PAK6: variants seen among roughly 807,000 people sequenced by gnomAD.
PAK6 encodes the protein p21 (RAC1) activated kinase 6.
Under a neutral mutation model 60.8 loss-of-function variants are expected in PAK6, and 33 were observed. The ratio of observed to expected loss-of-function variants is 0.54; its 90% confidence interval spans 0.41 to 0.73. PAK6 has a LOEUF of 0.73. Ranked by LOEUF, PAK6 falls within the 30% of genes least tolerant of loss-of-function variation. The pLI, the probability that PAK6 is intolerant of heterozygous loss-of-function variation, is 0.00. For synonymous variants in PAK6, 404 were observed against 378.5 expected (o/e 1.07, Z -0.78); for missense variants, 845 against 904.1 (o/e 0.93, Z 0.84).
intron 10 of PAK6, among the ~76,000 whole-genome samples, chr15:40,275,287 T>C (rs1013434501): frequency 9.3e-6 from 1 of 107,312 alleles, no homozygotes; most frequent in African/African-American, 3.7e-5. Flanking sequence ...TTGGTTTTTT[T>C]TTTTTTTTTT....
chr15:40,272,543 C>A, exon 6 of PAK6: 3 of 1,613,672 alleles, frequency 1.9e-6, no homozygotes, highest in Non-Finnish European at 2.5e-6. Context: ...TTCAAGGCTG[C>A]GCTCAGGATG....
chr15:40,257,875 C>A lies in PAK6; in HGVS notation c.-6+4586C>A, dbSNP rs569166314. ...AGCCTCAGTGCCATGCTCTGGGAAT[C>A]CCCTTGTCTCTGTGGAACAGTAGCA... is the stretch of plus-strand genomic sequence containing the variant. On this transcript the variant is annotated intron_variant, in intron 3 of 10. Coordinates refer to ENST00000560346, the Ensembl canonical transcript of PAK6. Among the ~76,000 whole-genome samples the A allele has an allele frequency of 4.6e-5, 7 of 152,312 alleles. No individual in the cohort carries two copies. In the East Asian group the frequency reaches 1.4e-3, roughly 29 times the overall value.
intron 2 of PAK6, chr15:40,252,413 G>C: frequency 7.4e-7 from 1 of 1,352,042 alleles, no homozygotes; most frequent in African/African-American, 1.5e-5. Flanking sequence ...GGCCAAGCAG[G>C]TGGAGAGAAA....
chr15:40,272,362 C>G, exon 6 of PAK6: 1 of 1,613,814 alleles, frequency 6.2e-7, no homozygotes, highest in Non-Finnish European at 8.5e-7. Context: ...CCAGAAGTCC[C>G]TCCGCACAGC....
At chr15:40,256,357 G>A (rs1425263294) in intron 3 of PAK6, among the ~76,000 whole-genome samples, 1 of 152,186 alleles carries the variant, frequency 6.6e-6, no homozygotes, top group Non-Finnish European at 1.5e-5. Context: ...GTCAGGTGAG[G>A]CCTGTCACCT....
At chr15:40,249,493 G>A (rs574020094) in intron 2 of PAK6, among the ~76,000 whole-genome samples, 20 of 152,336 alleles carry the variant, frequency 1.3e-4, no homozygotes, top group South Asian at 2.1e-4. Context: ...TTTGTACGGG[G>A]CCTGGCCCAC....
rs556894123 is a variant in PAK6 at position 40,262,242 on chromosome 15, G to A, written c.-5-2539G>A. ...AGACTCTTCTGTAGCAAAAGGCAAAGGCTGTAATCCCAGCACTTTGGGAGA... is the reference window on the plus strand; with the variant it reads ...AGACTCTTCTGTAGCAAAAGGCAAAAGCTGTAATCCCAGCACTTTGGGAGA... On this transcript the variant is annotated intron_variant, in intron 3 of 10. Coordinates refer to ENST00000560346, the Ensembl canonical transcript of PAK6. Among the ~76,000 whole-genome samples, 4 of 152,324 alleles carry A rather than the reference G, an allele frequency of 2.6e-5. No individual in the cohort carries two copies. The South Asian group carries it at 6.2e-4, about 24-fold the overall frequency.
chr15:40,255,546 G>C (rs1317856987), intron 3 of PAK6, among the ~76,000 whole-genome samples: 1 of 152,100 alleles, frequency 6.6e-6, no homozygotes, highest in African/African-American at 2.4e-5. Context: ...CTGCGTCTAG[G>C]ACCCTCCTCC....
Position 40,261,033 on chromosome 15 carries a change from T to A in PAK6, c.-5-3748T>A, listed in dbSNP as rs573203991. On this transcript the variant is annotated intron_variant, in intron 3 of 10. Coordinates refer to ENST00000560346, the Ensembl canonical transcript of PAK6. Reference sequence around the variant, plus strand: ...CCTCCTGAGTAGCTGGGACTACAGGTGCCCACCACCACACCCGGCTAATGT... The same window carrying A: ...CCTCCTGAGTAGCTGGGACTACAGGAGCCCACCACCACACCCGGCTAATGT... Among the ~76,000 whole-genome samples the A allele has an allele frequency of 1.5e-4, 23 of 151,726 alleles. No individual in the cohort carries two copies. The South Asian group carries it at 4.8e-3, about 32-fold the overall frequency.
At chr15:40,266,244 C>G in exon 5 of PAK6, 1 of 1,610,456 alleles carries the variant, frequency 6.2e-7, no homozygotes, top group Middle Eastern at 1.7e-4. Context: ...GCAGAGCTCC[C>G]CACCAGGAGC....
At chr15:40,274,169 G>A (rs1389373608) in exon 10 of PAK6, 3 of 1,614,088 alleles carry the variant, frequency 1.9e-6, no homozygotes, top group East Asian at 4.5e-5. Context: ...GGGCATCATG[G>A]TGATTGAGAT....
intron 4 of PAK6, among the ~76,000 whole-genome samples, chr15:40,265,415 A>G (rs1181284365): frequency 6.6e-6 from 1 of 152,190 alleles, no homozygotes; most frequent in Non-Finnish European, 1.5e-5. Flanking sequence ...GGGCCCTATC[A>G]GGGTTTGGAG....
intron 3 of PAK6, 92 bp from the exon 4 acceptor site, chr15:40,264,689 G>T: frequency 2.0e-6 from 2 of 1,015,678 alleles, no homozygotes; most frequent in East Asian, 4.8e-5. Flanking sequence ...TGTGCTGGGG[G>T]AGGGGAGGGA....
intron 3 of PAK6, chr15:40,257,137 CT>C (rs975240926): frequency 6.6e-6 from 1 of 152,608 alleles, no homozygotes; most frequent in African/African-American, 2.4e-5. Context: ...TGCCGCCCCC[CT>C]CTCACCCCCT....
chr15:40,276,285 C>A lies in PAK6; in HGVS notation c.*191C>A, dbSNP rs926533333. On this transcript the variant is annotated 3_prime_UTR_variant, in exon 11 of 11. Transcript: ENST00000560346. ...ACCTGCCCCCTCAGTGTCTCTCCCT[C>A]CCGAGTCCCCAGATGGAGACCCCTT... 31 of 585,994 alleles carry A rather than the reference C, an allele frequency of 5.3e-5. No individual in the cohort carries two copies. In the Middle Eastern group the frequency reaches 1.3e-3, roughly 25 times the overall value. 36.3% of individuals were successfully genotyped at this position (585,994 alleles called of 1,614,324 possible). A position where few individuals can be genotyped will look rare whatever the true frequency, so the allele number is the denominator to read the frequency against.
intron 3 of PAK6, among the ~76,000 whole-genome samples, chr15:40,264,163 C>G (rs1037872406): frequency 4.0e-5 from 6 of 151,898 alleles, no homozygotes; most frequent in African/African-American, 1.4e-4. Context: ...AGCTGGTTGG[C>G]TTTTTATTAA....
At chr15:40,246,560 G>C (rs2038500243) in intron 2 of PAK6, 1 of 152,180 alleles carries the variant, frequency 6.6e-6, no homozygotes, top group South Asian at 2.1e-4. Context: ...CTGTCGAGGA[G>C]AGGGTGGTCA....
intron 2 of PAK6, among the ~76,000 whole-genome samples, chr15:40,243,097 G>A (rs2038401863): frequency 6.6e-6 from 1 of 152,218 alleles, no homozygotes. Flanking sequence ...ACTCATCGCT[G>A]AAGTTGGCAG....
At position 40,252,695 on chromosome 15, in the gene PAK6, G is replaced by A. The variant is rs554289360; in HGVS notation, c.-117-483G>A. The A allele has an allele frequency of 1.4e-5, 18 of 1,307,374 alleles. No individual in the cohort carries two copies. The East Asian group carries it at 9.1e-4, about 66-fold the overall frequency. The allele number at this position is 1,307,374 out of a possible 1,614,324, so 81.0% of individuals were successfully genotyped here. A position where few individuals can be genotyped will look rare whatever the true frequency, so the allele number is the denominator to read the frequency against. Reference sequence around the variant, plus strand: ...TCCTGGGCTTCCCGCTCCGCAGGTGGGTTCCCCGGCTGCCCCGGAGGTTCG... The same window carrying A: ...TCCTGGGCTTCCCGCTCCGCAGGTGAGTTCCCCGGCTGCCCCGGAGGTTCG... On this transcript the variant is annotated intron_variant, in intron 2 of 10. Transcript: ENST00000560346.
Sources: allele counts gnomAD v4.1 joint callset (sites outside exome capture counted in the v4.1 genomes callset), GRCh38; gene constraint gnomAD v4.1.1; transcripts MANE v1.5; gene names NCBI Gene and HGNC (gene_info 2026-07-23, HGNC 2026-07-21).